Variants in NEK10 observed in about 807,000 individuals in gnomAD.
The protein encoded by NEK10 is serine/threonine-protein kinase Nek10.
Under a neutral mutation model 159.8 loss-of-function variants are expected in NEK10, and 122 were observed. The ratio of observed to expected loss-of-function variants is 0.76; its 90% CI spans 0.66 to 0.89. The LOEUF (loss-of-function observed/expected upper bound fraction) is 0.89, where lower values mean the gene tolerates loss of function less well. Ranked by LOEUF, NEK10 falls within the 40% of genes least tolerant of loss-of-function variation. The pLI is 0.00. For synonymous variants in NEK10, 466 were observed against 457.1 expected (o/e 1.02, Z -0.25); for missense variants, 1,342 against 1,323.1 (o/e 1.01, Z -0.22).
chr3:27,192,146 T>G lies in NEK10; in HGVS notation c.2388A>C (p.Thr796=), dbSNP rs754379215. ...VMMKYLDNLS[T]SQLSLEKKLE... is the part of the protein sequence containing the mutation. ...GCTTCTTTTCCAAGGACAACTGGGA[T>G]GTAGATAAGTTGTCTAAATATTTCA... The change falls in exon 26 of 36, where the codon ACA becomes ACC. Residue 796 remains threonine (T), a synonymous_variant. Coordinates refer to ENST00000691995, the MANE Select transcript of NEK10 (RefSeq NM_001394966.1). 4.5e-5 allele frequency: 73 copies of G among 1,614,048 alleles called. No individual in the cohort carries two copies. The highest frequency in any genetic ancestry group is 5.8e-5 in the Non-Finnish European group (69 of 1,179,982).
intron 28 of NEK10, among the ~76,000 whole-genome samples, chr3:27,173,667 T>C (rs1201205729): frequency 6.6e-6 from 1 of 152,196 alleles, no homozygotes; most frequent in Non-Finnish European, 1.5e-5. Context: ...ATTTTCATAG[T>C]ATAGTCACTG....
chr3:27,306,092 G>A (rs2044223535), intron 11 of NEK10, among the ~76,000 whole-genome samples: 1 of 152,076 alleles, frequency 6.6e-6, no homozygotes, highest in Admixed American at 6.5e-5. Context: ...CTTGACTCAT[G>A]GCACCACAAT....
intron 9 of NEK10, chr3:27,309,437 T>C (rs1433098697): frequency 6.6e-6 from 1 of 152,518 alleles, no homozygotes; most frequent in Non-Finnish European, 1.5e-5. Flanking sequence ...AAAAGAGTTT[T>C]ATTAAACATT....
intron 26 of NEK10, among the ~76,000 whole-genome samples, chr3:27,180,439 A>C: frequency 6.8e-6 from 1 of 147,668 alleles, no homozygotes; most frequent in Non-Finnish European, 1.5e-5. Flanking sequence ...AGGGGAGGGG[A>C]AGGGAGGGGA....
chr3:27,346,271 G>A, intron 3 of NEK10, 55 bp from the exon 4 acceptor site: 7 of 1,586,400 alleles, frequency 4.4e-6, no homozygotes, highest in Non-Finnish European at 6.0e-6. Context: ...ACGGGATAAA[G>A]AAAGTAACAA....
chr3:27,271,857 A>AC (rs1267183981), intron 22 of NEK10, among the ~76,000 whole-genome samples: 4 of 152,052 alleles, frequency 2.6e-5, no homozygotes, highest in Admixed American at 2.6e-4. Context: ...CATTATGAAA[A>AC]AAAAATAGGA....
At chr3:27,151,553 GA>G (rs1451212053) in intron 30 of NEK10, among the ~76,000 whole-genome samples, 1 of 152,146 alleles carries the variant, frequency 6.6e-6, no homozygotes, top group Non-Finnish European at 1.5e-5. Context: ...ACCCAAATAA[GA>G]AGGAACCAGA....
chr3:27,131,920 T>C lies in NEK10; in HGVS notation c.3041A>G (p.Gln1014Arg). 1 of 1,607,322 alleles carries C rather than the reference T, an allele frequency of 6.2e-7. No individual in the cohort carries two copies. Among genetic ancestry groups the C allele is most frequent in the South Asian group, 1.1e-5 (1 of 90,878 alleles). ...IERFKKSLFS[Q>R]QSNPCNLKSE... ...TTTCAAATTACAAGGGTTACTCTGC[T>C]GGCTGAAGAGGGATTTCTTGAATCT... Residue 1014 changes from glutamine to arginine, a missense_variant, in exon 32 of 36, where the codon CAG becomes CGG. Coordinates refer to ENST00000691995, the MANE Select transcript of NEK10 (RefSeq NM_001394966.1).
intron 23 of NEK10, among the ~76,000 whole-genome samples, chr3:27,240,077 A>G (rs2149254770): frequency 6.6e-6 from 1 of 152,310 alleles, no homozygotes; most frequent in Middle Eastern, 3.4e-3. Context: ...CTACTGTTTT[A>G]TGGTCTCTAT....
chr3:27,325,849 T>A (rs1180225109), intron 5 of NEK10, among the ~76,000 whole-genome samples: 2 of 152,216 alleles, frequency 1.3e-5, no homozygotes, highest in Non-Finnish European at 2.9e-5. Context: ...CTTCCTCCCA[T>A]CACCAAGACT....
intron 23 of NEK10, among the ~76,000 whole-genome samples, chr3:27,221,775 C>G (rs912964513): frequency 1.3e-5 from 2 of 152,184 alleles, no homozygotes; most frequent in Admixed American, 6.5e-5. Flanking sequence ...CCTCCACCCC[C>G]ACTAGCCCTG....
intron 23 of NEK10, chr3:27,253,059 A>G: frequency 2.8e-6 from 1 of 360,778 alleles, no homozygotes; most frequent in South Asian, 2.2e-5. Context: ...GGCATGCTTC[A>G]CTTTGTCTCT....
intron 23 of NEK10, among the ~76,000 whole-genome samples, chr3:27,224,836 C>T (rs957293465): frequency 2.6e-5 from 4 of 152,080 alleles, no homozygotes; most frequent in Non-Finnish European, 5.9e-5. Flanking sequence ...ATAGGACCAC[C>T]AAAAGTATTA....
chr3:27,131,994 C>T lies in NEK10; in HGVS notation c.2971-4G>A. 6.5e-7 allele frequency: 1 copy of T among 1,537,990 alleles called. No homozygotes were observed. Among genetic ancestry groups the T allele is most frequent in the Non-Finnish European group, 9.0e-7 (1 of 1,113,948 alleles). On this transcript the variant is annotated splice_polypyrimidine_tract_variant and splice_region_variant and intron_variant, in intron 31 of 35. Transcript: ENST00000691995. Reference sequence around the variant, plus strand: ...TGTGGTGCAAAGCTGGAGGAAGCTGCATAAAATAAGAAAACAATCATTATA... The same window carrying T: ...TGTGGTGCAAAGCTGGAGGAAGCTGTATAAAATAAGAAAACAATCATTATA...
intron 23 of NEK10, among the ~76,000 whole-genome samples, chr3:27,227,463 C>G (rs1952753557): frequency 6.6e-6 from 1 of 152,168 alleles, no homozygotes; most frequent in Non-Finnish European, 1.5e-5. Context: ...GCCAAATCCT[C>G]CTAATCCAAA....
In NEK10 at chr3:27,307,911, T is replaced by G; in HGVS notation, c.751A>C (p.Ile251Leu). The G allele has an allele frequency of 6.4e-7, 1 of 1,557,428 alleles. No individual in the cohort carries two copies. The highest frequency in any genetic ancestry group is 1.4e-5 in the African/African-American group (1 of 73,980). The change falls in exon 11 of 36, where the codon ATT (isoleucine) becomes CTT (leucine). Residue 251 changes from isoleucine (I) to leucine (L), a missense_variant. Physicochemically the swap from Ile to Leu is conservative, Grantham distance 5. Coordinates refer to ENST00000691995, the MANE Select transcript of NEK10 (RefSeq NM_001394966.1). ...AAAATCATCAACAGATTTTCTACAA[T>G]GTTGAGTTCACTTATCTTCTCCCTA... is the stretch of plus-strand genomic sequence containing the variant. ...ECREKISELN[I>L]VENLLMILHE... is the part of the protein sequence containing the mutation.
At chr3:27,350,961 A>G (rs2047927596) in intron 3 of NEK10, among the ~76,000 whole-genome samples, 1 of 152,148 alleles carries the variant, frequency 6.6e-6, no homozygotes, top group Admixed American at 6.6e-5. Context: ...GAACTCATCA[A>G]ATATAGTGAA....
At chr3:27,237,263 T>G (rs1174836605) in intron 23 of NEK10, among the ~76,000 whole-genome samples, 1 of 152,154 alleles carries the variant, frequency 6.6e-6, no homozygotes, top group Admixed American at 6.6e-5. Context: ...AACATGCATG[T>G]TTTACAATCA....
intron 5 of NEK10, among the ~76,000 whole-genome samples, chr3:27,330,489 A>C (rs2046321180): frequency 6.6e-6 from 1 of 152,254 alleles, no homozygotes; most frequent in South Asian, 2.1e-4. Context: ...GGAAAAAAGC[A>C]TAAAATTGTT....
Sources: gnomAD v4.1 joint callset for allele counts (sites outside exome capture counted in the v4.1 genomes callset) on GRCh38, gnomAD v4.1.1 for gene constraint, MANE v1.5 for transcripts, NCBI Gene and HGNC (gene_info 2026-07-23, HGNC 2026-07-21) for gene names.